MAGI2: variants seen among roughly 807,000 people sequenced by gnomAD.
MAGI2 encodes membrane-associated guanylate kinase, WW and PDZ domain-containing protein 2.
A neutral mutation model predicts 133.3 loss-of-function variants in MAGI2; 35 were observed. That is an observed-to-expected ratio of 0.26 (90% CI 0.20 to 0.35). MAGI2 has a LOEUF of 0.35. Among genes scored for constraint, MAGI2 ranks in the 10% least tolerant of loss-of-function variants. The pLI, the probability that MAGI2 is intolerant of heterozygous loss-of-function variation, is 1.00. For synonymous variants in MAGI2, 729 were observed against 710.6 expected, an observed-to-expected ratio of 1.03 and a Z score of -0.41; for missense variants, 1,636 against 1,863.4, an observed-to-expected ratio of 0.88 and a Z score of 2.25.
intron 1 of MAGI2, among the ~76,000 whole-genome samples, chr7:79,238,045 A>G (rs1184143710): frequency 6.6e-6 from 1 of 152,204 alleles, no homozygotes; most frequent in Non-Finnish European, 1.5e-5. Flanking sequence ...TCTTGAAATT[A>G]GGATTTTCAG....
At chr7:78,453,131 C>G (rs116845085) in intron 6 of MAGI2, among the ~76,000 whole-genome samples, 1,835 of 152,216 alleles carry the variant, frequency 0.012, 27 homozygotes, top group Middle Eastern at 0.051. Flanking sequence ...TCACAGCTCT[C>G]CTGACTTTGC....
intron 2 of MAGI2, among the ~76,000 whole-genome samples, chr7:78,907,338 T>G (rs1158747146): frequency 1.3e-5 from 2 of 152,340 alleles, no homozygotes; most frequent in African/African-American, 2.4e-5. Context: ...GGGAATATCA[T>G]GTTTTCTCAA....
intron 1 of MAGI2, among the ~76,000 whole-genome samples, chr7:79,223,122 T>A (rs1830583467): frequency 6.6e-6 from 1 of 152,044 alleles, no homozygotes; most frequent in Non-Finnish European, 1.5e-5. Flanking sequence ...CCTGACCTCG[T>A]GATCCACCCG....
intron 1 of MAGI2, among the ~76,000 whole-genome samples, chr7:79,295,790 C>T (rs185477780): frequency 8.5e-4 from 129 of 151,904 alleles, no homozygotes; most frequent in Non-Finnish European, 1.6e-3. Context: ...TACCACATTT[C>T]GGTGATAGTA....
intron 2 of MAGI2, among the ~76,000 whole-genome samples, chr7:78,642,881 A>T (rs1241786691): frequency 6.6e-6 from 1 of 152,184 alleles, no homozygotes; most frequent in Non-Finnish European, 1.5e-5. Context: ...GCAATGGTGC[A>T]CTCCACCAAC....
At chr7:78,593,101 G>A (rs1204674525) in intron 3 of MAGI2, among the ~76,000 whole-genome samples, 1 of 148,866 alleles carries the variant, frequency 6.7e-6, no homozygotes. Context: ...GATTACGGGC[G>A]TGAACCACCG....
chr7:78,246,053 A>G (rs1791748573), intron 10 of MAGI2, among the ~76,000 whole-genome samples: 1 of 152,118 alleles, frequency 6.6e-6, no homozygotes, highest in South Asian at 2.1e-4. Context: ...GCTGCTGTAG[A>G]GCTGCTCTAT....
chr7:78,573,245 TAA>T (rs1491161036), intron 3 of MAGI2, among the ~76,000 whole-genome samples: 33 of 52,418 alleles, frequency 6.3e-4, no homozygotes, highest in South Asian at 1.8e-3. Flanking sequence ...TATATATATA[TAA>T]ATATATATAA....
chr7:79,240,098 G>A (rs1832270642), intron 1 of MAGI2, among the ~76,000 whole-genome samples: 1 of 152,170 alleles, frequency 6.6e-6, no homozygotes, highest in South Asian at 2.1e-4. Flanking sequence ...GTGTTCTGCT[G>A]CAGTGGTGTT....
At chr7:78,660,607 A>G (rs978458605) in intron 2 of MAGI2, among the ~76,000 whole-genome samples, 4 of 152,226 alleles carry the variant, frequency 2.6e-5, no homozygotes, top group Non-Finnish European at 5.9e-5. Context: ...AAGAAATAAC[A>G]TGCTATAAAT....
chr7:79,142,266 T>G (rs2129546273), intron 1 of MAGI2, among the ~76,000 whole-genome samples: 1 of 152,302 alleles, frequency 6.6e-6, no homozygotes, highest in African/African-American at 2.4e-5. Flanking sequence ...GATTGGTTCA[T>G]GTTTTTACAC....
intron 6 of MAGI2, among the ~76,000 whole-genome samples, chr7:78,439,149 G>A (rs1787346258): frequency 6.6e-6 from 1 of 152,164 alleles, no homozygotes. Flanking sequence ...CATTAGCACT[G>A]AGTTAAAGAA....
In MAGI2 at chr7:78,236,570, T is replaced by A. The variant is rs376040862; in HGVS notation, c.2047+19373A>T. The stretch of plus-strand genomic sequence containing the variant: ...TTAAAAGACAGTAGTTTCTCTGAAT[T>A]GGCATTTCTGTATATATCCACTAGA... On this transcript the variant is annotated intron_variant, in intron 10 of 21. Coordinates refer to ENST00000354212, the MANE Select transcript of MAGI2 (RefSeq NM_012301.4). Among the ~76,000 whole-genome samples, 47 of 152,336 alleles carry A rather than the reference T, an allele frequency of 3.1e-4. No individual in the cohort carries two copies. The East Asian group carries it at 8.3e-3, about 27-fold the overall frequency.
chr7:78,541,999 G>A (rs1249863201), intron 3 of MAGI2, among the ~76,000 whole-genome samples: 2 of 152,210 alleles, frequency 1.3e-5, no homozygotes, highest in Admixed American at 6.5e-5. Flanking sequence ...AGGCCATACA[G>A]TCTGGGTCAT....
At chr7:78,876,674 T>C (rs1375480754) in intron 2 of MAGI2, among the ~76,000 whole-genome samples, 1 of 152,170 alleles carries the variant, frequency 6.6e-6, no homozygotes, top group Non-Finnish European at 1.5e-5. Flanking sequence ...TGTTTCTTGA[T>C]TTATCTTCAG....
intron 1 of MAGI2, among the ~76,000 whole-genome samples, chr7:79,068,850 A>G (rs1814652614): frequency 6.6e-6 from 1 of 152,210 alleles, no homozygotes; most frequent in Admixed American, 6.5e-5. Context: ...TTATTTACCC[A>G]GTAGTTATTC....
intron 2 of MAGI2, among the ~76,000 whole-genome samples, chr7:78,983,137 G>C (rs949287541): frequency 6.6e-6 from 1 of 151,810 alleles, no homozygotes; most frequent in African/African-American, 2.4e-5. Context: ...TAATGTCATT[G>C]GTTTCTTTCT....
chr7:79,200,976 G>C (rs542173427), intron 1 of MAGI2, among the ~76,000 whole-genome samples: 29 of 152,006 alleles, frequency 1.9e-4, no homozygotes, highest in South Asian at 4.1e-4. Flanking sequence ...TTTTCTGTAG[G>C]GCCTAAAATG....
rs143588095 is a variant in MAGI2, at chr7:78,055,971, A to C, written c.3706+22976T>G. Among the ~76,000 whole-genome samples, 923 of 152,180 alleles carry C rather than the reference A, an allele frequency of 6.1e-3. 6 individuals carry two copies. The highest frequency in any genetic ancestry group is 9.7e-3 in the Non-Finnish European group (660 of 68,004). Reference sequence around the variant, plus strand: ...TATTGTGGTAAAAAACATAAAACTTACCATCTTAACCATTTGTAAGTGTGC... The same window carrying C: ...TATTGTGGTAAAAAACATAAAACTTCCCATCTTAACCATTTGTAAGTGTGC... On this transcript the variant is annotated intron_variant, in intron 21 of 21. Transcript: ENST00000354212.
Sources: allele counts gnomAD v4.1 joint callset (sites outside exome capture counted in the v4.1 genomes callset), GRCh38; gene constraint gnomAD v4.1.1; transcripts MANE v1.5; gene names NCBI Gene and HGNC (gene_info 2026-07-23, HGNC 2026-07-21).